The following LRP1B variants were observed in gnomAD, a reference collection of about 807,000 sequenced individuals.
The protein encoded by LRP1B is low-density lipoprotein receptor-related protein 1B.
LRP1B carries 217 observed loss-of-function variants against 556.6 expected under a neutral mutation model. The observed-to-expected ratio is 0.39, with a 90% confidence interval of 0.35 to 0.44. LRP1B has a LOEUF of 0.44. Among genes scored for constraint, LRP1B ranks in the 20% least tolerant of loss-of-function variants. The probability of loss-of-function intolerance (pLI) is 1.00; values close to 1 mark genes in which losing one functional copy is unlikely to be tolerated. For missense variants in LRP1B, 5,053 were observed against 5,620.8 expected (o/e 0.90, Z 3.23); for synonymous variants, 2,047 against 1,865.8 (o/e 1.10, Z -2.50).
At chr2:140,820,928 G>A (rs1251492783) in intron 31 of LRP1B, among the ~76,000 whole-genome samples, 7 of 133,962 alleles carry the variant, frequency 5.2e-5, no homozygotes, top group African/African-American at 1.9e-4. Flanking sequence ...AAAAAAAAAA[G>A]TATTTTTTTT....
intron 7 of LRP1B, among the ~76,000 whole-genome samples, chr2:141,179,076 TA>T (rs1288077082): frequency 6.6e-6 from 1 of 152,064 alleles, no homozygotes; most frequent in Non-Finnish European, 1.5e-5. Flanking sequence ...TTTATGCAAT[TA>T]ATAAATTTAT....
At chr2:142,014,216 G>C (rs537332344) in intron 1 of LRP1B, among the ~76,000 whole-genome samples, 1 of 140,080 alleles carries the variant, frequency 7.1e-6, no homozygotes, top group Non-Finnish European at 1.5e-5. Flanking sequence ...CTGTGGACTC[G>C]CCCTGAATCC....
At chr2:140,422,103 C>G (rs1281393888) in intron 66 of LRP1B, among the ~76,000 whole-genome samples, 1 of 152,078 alleles carries the variant, frequency 6.6e-6, no homozygotes, top group Non-Finnish European at 1.5e-5. Context: ...CTTCACTCCT[C>G]AAATATTTAT....
intron 2 of LRP1B, among the ~76,000 whole-genome samples, chr2:141,552,815 C>T (rs1183851668): frequency 6.6e-6 from 1 of 151,852 alleles, no homozygotes; most frequent in Admixed American, 6.6e-5. Flanking sequence ...GGGAGCATCA[C>T]TATTTGGAAA....
chr2:141,003,209 A>G (rs1697476296), intron 15 of LRP1B, among the ~76,000 whole-genome samples: 1 of 152,032 alleles, frequency 6.6e-6, no homozygotes, highest in South Asian at 2.1e-4. Context: ...AAGAAAATAA[A>G]TGGTTTGAAA....
intron 59 of LRP1B, among the ~76,000 whole-genome samples, chr2:140,480,545 A>G (rs1412156709): frequency 2.0e-5 from 3 of 152,036 alleles, no homozygotes; most frequent in Non-Finnish European, 4.4e-5. Context: ...GGTTCAAGCA[A>G]TTCTCCTGCC....
chr2:141,742,255 C>CT (rs34084336), intron 2 of LRP1B, among the ~76,000 whole-genome samples: 1,358 of 122,706 alleles, frequency 0.011, 12 homozygotes, highest in African/African-American at 0.038. Context: ...TTCTTTCTTT[C>CT]TTTTTTTTTT....
chr2:142,012,241 C>A (rs903697862), intron 1 of LRP1B, among the ~76,000 whole-genome samples: 3 of 152,014 alleles, frequency 2.0e-5, no homozygotes, highest in Admixed American at 1.3e-4. Context: ...ATTGTTCACA[C>A]AAAGTCAAAC....
intron 35 of LRP1B, among the ~76,000 whole-genome samples, chr2:140,730,849 G>A (rs961843535): frequency 7.2e-5 from 11 of 152,030 alleles, no homozygotes; most frequent in African/African-American, 1.2e-4. Flanking sequence ...GAGCCGCCAC[G>A]CCCAGCCTCG....
intron 3 of LRP1B, among the ~76,000 whole-genome samples, chr2:141,276,532 G>A (rs187562210): frequency 6.6e-6 from 1 of 152,188 alleles, no homozygotes; most frequent in African/African-American, 2.4e-5. Flanking sequence ...CCATTTACTA[G>A]TGAGAACACA....
chr2:140,391,462 A>C (rs2105210198), intron 66 of LRP1B, among the ~76,000 whole-genome samples: 1 of 151,512 alleles, frequency 6.6e-6, no homozygotes, highest in South Asian at 2.1e-4. Context: ...TGTCTGTCAC[A>C]CGTTGTATAC....
chr2:141,582,251 G>A (rs1686977577), intron 2 of LRP1B, among the ~76,000 whole-genome samples: 1 of 152,114 alleles, frequency 6.6e-6, no homozygotes, highest in Non-Finnish European at 1.5e-5. Flanking sequence ...GACCAAACAG[G>A]GCATTGATAG....
rs752964745 is a variant in LRP1B, at chr2:140,371,264, C to T, written c.10790G>A (p.Arg3597His). The T allele has an allele frequency of 2.1e-5, 33 of 1,577,544 alleles. No homozygotes were observed. The highest frequency in any genetic ancestry group is 2.4e-5 in the Non-Finnish European group (28 of 1,161,448). The change falls in exon 70 of 91, where the codon CGT (arginine) becomes CAT (histidine). Residue 3597 changes from arginine (R) to histidine (H), a missense_variant. By Grantham distance (29) the Arg-to-His change is conservative. Transcript: ENST00000389484. ...TCCATCACTGGCACATATATATTCA[C>T]GTGATGAGCAAGTAGGAGAAGCTGA... ...CEPASPTCSS[R>H]EYICASDGCI...
At chr2:141,971,123 T>C (rs1487371798) in intron 1 of LRP1B, among the ~76,000 whole-genome samples, 2 of 151,494 alleles carry the variant, frequency 1.3e-5, no homozygotes, top group Admixed American at 1.3e-4. Flanking sequence ...CTTTTGAGCA[T>C]GGAGCAATAC....
chr2:141,712,434 T>C (rs527420571), intron 2 of LRP1B, among the ~76,000 whole-genome samples: 1 of 152,232 alleles, frequency 6.6e-6, no homozygotes, highest in South Asian at 2.1e-4. Flanking sequence ...TGTATGATTA[T>C]TCCAAGTATA....
chr2:142,006,498 C>T (rs1007254246), intron 1 of LRP1B, among the ~76,000 whole-genome samples: 1 of 152,124 alleles, frequency 6.6e-6, no homozygotes, highest in South Asian at 2.1e-4. Flanking sequence ...CTGTGACTTC[C>T]TTTGCATTTA....
chr2:140,595,062 C>A (rs1175976455), intron 43 of LRP1B, among the ~76,000 whole-genome samples: 1 of 109,530 alleles, frequency 9.1e-6, no homozygotes, highest in Non-Finnish European at 1.8e-5. Context: ...TTTTGCAGAT[C>A]TACTTAAAAA....
At chr2:140,308,098 A>G (rs1005040594) in intron 83 of LRP1B, among the ~76,000 whole-genome samples, 7 of 151,744 alleles carry the variant, frequency 4.6e-5, no homozygotes, top group African/African-American at 1.7e-4. Context: ...CACTATTGAC[A>G]CCCATTTTCT....
At chr2:140,628,284 A>G (rs1436303333) in intron 41 of LRP1B, among the ~76,000 whole-genome samples, 1 of 152,160 alleles carries the variant, frequency 6.6e-6, no homozygotes, top group Non-Finnish European at 1.5e-5. Context: ...TAATCCCCAC[A>G]CTTTGGGAGG....
Sources: gnomAD v4.1 joint callset for allele counts (sites outside exome capture counted in the v4.1 genomes callset) on GRCh38, gnomAD v4.1.1 for gene constraint, MANE v1.5 for transcripts, NCBI Gene and HGNC (gene_info 2026-07-23, HGNC 2026-07-21) for gene names.